MMRN2: variants seen among roughly 807,000 people sequenced by gnomAD.
The protein encoded by MMRN2 is multimerin 2.
Under a neutral mutation model 68.8 loss-of-function variants are expected in MMRN2, and 53 were observed. That is an observed-to-expected ratio of 0.77 (90% confidence interval 0.62 to 0.97). MMRN2 has a LOEUF of 0.97. MMRN2 is among the 50% of genes least tolerant of loss of function. The pLI is 0.00. For missense variants in MMRN2, 1,266 were observed against 1,259.5 expected, an observed-to-expected ratio of 1.01 and a Z score of -0.08; for synonymous variants, 564 against 551.6, an observed-to-expected ratio of 1.02 and a Z score of -0.32.
At chr10:86,939,678 C>CAT (rs971830277) in intron 6 of MMRN2, among the ~76,000 whole-genome samples, 1 of 150,230 alleles carries the variant, frequency 6.7e-6, no homozygotes, top group Non-Finnish European at 1.5e-5. Flanking sequence ...GACCCCCACC[C>CAT]CAACCCAGCC....
rs1589297716 is a variant in MMRN2, at chr10:86,936,218, A to G, written c.*525T>C. On this transcript the variant is annotated 3_prime_UTR_variant, in exon 7 of 7. Coordinates refer to ENST00000372027, the MANE Select transcript of MMRN2 (RefSeq NM_024756.3). ...CTTGGTTGGCCAGGCTGTCGTCTTC[A>G]TTACTGACTAATAGAGACCAAGCAG... is the stretch of plus-strand genomic sequence containing the variant. 2.5e-6 allele frequency: 1 copy of G among 398,022 alleles called. No individual in the cohort carries two copies. The highest frequency in any genetic ancestry group is 3.6e-5 in the East Asian group (1 of 27,994). The allele number at this position is 398,022 out of a possible 1,614,324, so 24.7% of individuals were successfully genotyped here.
At position 86,942,932 on chromosome 10, in the gene MMRN2, C is replaced by T. The variant is rs372410502; in HGVS notation, c.1852G>A (p.Val618Met). 6.0e-6 allele frequency: 9 copies of T among 1,500,318 alleles called. No individual in the cohort carries two copies. Among genetic ancestry groups the T allele is most frequent in the Non-Finnish European group, 8.0e-6 (9 of 1,126,036 alleles). 92.9% of individuals were successfully genotyped at this position (1,500,318 alleles called of 1,614,324 possible). The part of the protein sequence containing the change: ...AVLAALFGEE[V>M]LEEMSEQTPG... ...GTCTGCTCAGACATCTCCTCCAGCA[C>T]CTCCTCCCCGAAGAGCGCGGCCAGC... Residue 618 changes from valine (V) to methionine (M), a missense_variant, in exon 6 of 7, where the codon GTG (valine) becomes ATG (methionine). Transcript: ENST00000372027.
In MMRN2 at chr10:86,943,595, T is replaced by A. The variant is rs764579456; in HGVS notation, c.1189A>T (p.Thr397Ser). 2 of 1,613,976 alleles carry A rather than the reference T, an allele frequency of 1.2e-6. No individual in the cohort carries two copies. The highest frequency in any genetic ancestry group is 1.3e-5 in the African/African-American group (1 of 75,024). The stretch of plus-strand genomic sequence containing the variant: ...AGGGTGGCCCTCATGTCCTCCAGGG[T>A]GTACTGCAACTCCTCCTCCCTGCGG... ...TARREEELQY[T>S]LEDMRATLTR... is the part of the protein sequence containing the mutation. The change falls in exon 6 of 7, where the codon ACC (threonine) becomes TCC (serine). Residue 397 changes from threonine to serine, a missense_variant. Thr to Ser is a moderately conservative substitution (Grantham distance 58, BLOSUM62 1). Coordinates refer to ENST00000372027, the MANE Select transcript of MMRN2 (RefSeq NM_024756.3). This position sits in a 1 kb window ranked among gnomAD's most constrained non-coding sequence, Gnocchi z 4.2.
At chr10:86,948,406 G>C (rs375076278) in intron 1 of MMRN2, among the ~76,000 whole-genome samples, 1 of 151,960 alleles carries the variant, frequency 6.6e-6, no homozygotes, top group South Asian at 2.1e-4. Flanking sequence ...AAACAAATGA[G>C]GGGGAGATGG....
At chr10:86,946,029 A>C (rs1844064070) in intron 1 of MMRN2, among the ~76,000 whole-genome samples, 1 of 152,126 alleles carries the variant, frequency 6.6e-6, no homozygotes, top group African/African-American at 2.4e-5. Context: ...TGTGGGGAAA[A>C]CACCGTGTGC....
At chr10:86,951,911 G>A (rs1249763689) in intron 1 of MMRN2, among the ~76,000 whole-genome samples, 1 of 152,094 alleles carries the variant, frequency 6.6e-6, no homozygotes, top group African/African-American at 2.4e-5. Flanking sequence ...AGCTGGGTGT[G>A]GTGGTGCACA....
At chr10:86,939,670 C>CA (rs1843933843) in intron 6 of MMRN2, among the ~76,000 whole-genome samples, 1 of 122,962 alleles carries the variant, frequency 8.1e-6, no homozygotes, top group African/African-American at 3.5e-5. Flanking sequence ...CAGAGAGAGA[C>CA]CCCCACCCCA....
At chr10:86,949,630 C>G (rs111555925) in intron 1 of MMRN2, 1 of 151,890 alleles carries the variant, frequency 6.6e-6, no homozygotes, top group Non-Finnish European at 1.5e-5. Flanking sequence ...AATTCCAGCA[C>G]TTTGGGAGGC....
At chr10:86,938,421 C>G (rs1345892312) in intron 6 of MMRN2, among the ~76,000 whole-genome samples, 1 of 152,226 alleles carries the variant, frequency 6.6e-6, no homozygotes, top group Non-Finnish European at 1.5e-5. Context: ...TGGTGCCAGG[C>G]CCATGCACGG....
chr10:86,945,303 G>T, intron 3 of MMRN2, 35 bp from the exon 4 acceptor site: 1 of 1,612,266 alleles, frequency 6.2e-7, no homozygotes, highest in Non-Finnish European at 8.5e-7. Flanking sequence ...GACCCCAGTG[G>T]TCAGAGGAGC....
chr10:86,940,840 A>G (rs1328232507), intron 6 of MMRN2, among the ~76,000 whole-genome samples: 1 of 152,218 alleles, frequency 6.6e-6, no homozygotes, highest in East Asian at 1.9e-4. Flanking sequence ...CCTCTGGCAG[A>G]GAGAGTCACT....
chr10:86,951,130 T>A (rs1275554952), intron 1 of MMRN2, among the ~76,000 whole-genome samples: 2 of 152,170 alleles, frequency 1.3e-5, no homozygotes, highest in Non-Finnish European at 2.9e-5. Flanking sequence ...GAAGTAGCAA[T>A]GCAAGCATGT....
At chr10:86,937,178 G>T in intron 6 of MMRN2, 53 bp from the exon 7 acceptor site, 1 of 1,584,000 alleles carries the variant, frequency 6.3e-7, no homozygotes, top group Non-Finnish European at 8.6e-7. Context: ...CCATTGGGTG[G>T]GAAATTAAAC....
Position 86,946,344 on chromosome 10 carries a change from T to C in MMRN2, c.165-655A>G, listed in dbSNP as rs190711775. ...CCAGCTGCCCTGGCAGCCTGCCCAG[T>C]TGCTACTTACATGAGGGACCAGCTC... On this transcript the variant is annotated intron_variant, in intron 1 of 6. Coordinates refer to ENST00000372027, the MANE Select transcript of MMRN2 (RefSeq NM_024756.3). Among the ~76,000 whole-genome samples, 71 of 152,344 alleles carry C rather than the reference T, an allele frequency of 4.7e-4. 2 individuals carry two copies. In the East Asian group the frequency reaches 0.014, roughly 29 times the overall value.
rs1408271225 is a variant in MMRN2 at position 86,937,074 on chromosome 10, T to G, written c.2519A>C (p.Gln840Pro). The G allele has an allele frequency of 8.7e-6, 14 of 1,614,100 alleles. No individual in the cohort carries two copies. Among genetic ancestry groups the G allele is most frequent in the Non-Finnish European group, 1.1e-5 (13 of 1,180,040 alleles). The change falls in exon 7 of 7, where the codon CAG (glutamine) becomes CCG (proline). Residue 840 changes from glutamine to proline, a missense_variant. Physicochemically the swap from Gln to Pro is moderately conservative, Grantham distance 76 (BLOSUM62 -1). Transcript: ENST00000372027. ...ASFSEGTAAL[Q>P]TVKFNTTYIN... ...GTATGTGGTGTTGAACTTCACTGTC[T>G]GCAGGGCAGCCGTCCCTTCTGAAAA...
Position 86,936,852 on chromosome 10 carries a change from G to T in MMRN2, c.2741C>A (p.Ala914Asp), listed in dbSNP as rs376535800. 1 of 1,614,070 alleles carries T rather than the reference G, an allele frequency of 6.2e-7. No individual in the cohort carries two copies. Among genetic ancestry groups the T allele is most frequent in the African/African-American group, 1.3e-5 (1 of 74,908 alleles). Residue 914 changes from alanine to aspartate, a missense_variant, in exon 7 of 7, where the codon GCT becomes GAT. Coordinates refer to ENST00000372027, the MANE Select transcript of MMRN2 (RefSeq NM_024756.3). ...TACTCGCTCACCCTTCTGCAGCTCA[G>T]CCATGGCAAAGACCGTTGCTGTGCT... Reference protein sequence around the residue: ...SGSTATVFAMAELQKGERVWF... With the variant: ...SGSTATVFAMDELQKGERVWF...
Position 86,950,553 on chromosome 10 carries a change from A to C in MMRN2, c.165-4864T>G, listed in dbSNP as rs541227858. ...ATCAGGAAACAGGTTCCAACACAAA[A>C]ACCAGGTGAAGAGAGCCTCCAGAAT... On this transcript the variant is annotated intron_variant, in intron 1 of 6. Coordinates refer to ENST00000372027, the MANE Select transcript of MMRN2 (RefSeq NM_024756.3). Among the ~76,000 whole-genome samples, 5 of 152,186 alleles carry C rather than the reference A, an allele frequency of 3.3e-5. No individual in the cohort carries two copies. In the East Asian group the frequency reaches 9.6e-4, roughly 29 times the overall value.
At chr10:86,956,078 A>G (rs1844220867) in intron 1 of MMRN2, among the ~76,000 whole-genome samples, 1 of 152,004 alleles carries the variant, frequency 6.6e-6, no homozygotes, top group Admixed American at 6.5e-5. Flanking sequence ...GCCTGAGACT[A>G]AGGCGTGGAG....
At position 86,943,351 on chromosome 10, in the gene MMRN2, A is replaced by G. The variant is rs1360368773; in HGVS notation, c.1433T>C (p.Leu478Pro). 3 of 1,613,852 alleles carry G rather than the reference A, an allele frequency of 1.9e-6. No individual in the cohort carries two copies. The African/African-American group carries it at 4.0e-5, about 22-fold the overall frequency. Residue 478 changes from leucine to proline, a missense_variant, in exon 6 of 7, where the codon CTG becomes CCG. Coordinates refer to ENST00000372027, the MANE Select transcript of MMRN2 (RefSeq NM_024756.3). The surrounding 1 kb of genome is among the most constrained non-coding windows in gnomAD (Gnocchi z 4.2). ...GATGAGGTCGGCATGGCCACCCTGC[A>G]GGTGCTGCAGCGTGAGGTTGAGCTC... is the stretch of plus-strand genomic sequence containing the variant. ...LLELNLTLQH[L>P]QGGHADLIKY...
Sources: gnomAD v4.1 joint callset for allele counts (sites outside exome capture counted in the v4.1 genomes callset) on GRCh38, gnomAD v4.1.1 for gene constraint, Gnocchi (gnomAD v3.1) non-coding constraint, MANE v1.5 for transcripts, NCBI Gene and HGNC (gene_info 2026-07-23, HGNC 2026-07-21) for gene names.